ZNF248: variants seen among roughly 807,000 people sequenced by gnomAD.
ZNF248 encodes the protein KRAB protein domain.
Under a neutral mutation model 44.3 loss-of-function variants are expected in ZNF248, and 20 were observed. The ratio of observed to expected loss-of-function variants is 0.45; its 90% CI spans 0.32 to 0.66. The LOEUF (loss-of-function observed/expected upper bound fraction) is 0.66, where lower values mean the gene tolerates loss of function less well. ZNF248 is among the 30% of genes least tolerant of loss of function. The pLI, the probability that ZNF248 is intolerant of heterozygous loss-of-function variation, is 0.04. For synonymous variants in ZNF248, 224 were observed against 229.0 expected, an observed-to-expected ratio of 0.98 and a Z score of 0.20; for missense variants, 654 against 677.0, an observed-to-expected ratio of 0.97 and a Z score of 0.38.
chr10:37,762,019 T>C, the ZNF248 span, among the ~76,000 whole-genome samples: 1 of 152,244 alleles, frequency 6.6e-6, no homozygotes, highest in Non-Finnish European at 1.5e-5. Flanking sequence ...GGCTGTCTTA[T>C]GAAATCTGTT....
At chr10:37,765,728 T>C in the ZNF248 span, among the ~76,000 whole-genome samples, 1 of 152,206 alleles carries the variant, frequency 6.6e-6, no homozygotes, top group African/African-American at 2.4e-5. Context: ...AGGTACTGGG[T>C]TCATCTCACT....
At chr10:37,814,122 A>G (rs894534200) in intron 6 of ZNF248, among the ~76,000 whole-genome samples, 1 of 152,034 alleles carries the variant, frequency 6.6e-6, no homozygotes, top group African/African-American at 2.4e-5. Flanking sequence ...TTTTCTTTTT[A>G]GTAGATTTTT....
downstream of ZNF248, among the ~76,000 whole-genome samples, chr10:37,826,142 A>AC (rs2054355228): frequency 6.6e-6 from 1 of 152,176 alleles, no homozygotes. Context: ...GCGTATTGTA[A>AC]ATGAGTTCAC....
intron 6 of ZNF248, among the ~76,000 whole-genome samples, chr10:37,799,002 C>T (rs1246987426): frequency 6.6e-6 from 1 of 152,026 alleles, no homozygotes; most frequent in Non-Finnish European, 1.5e-5. Context: ...CTTCTCCTTG[C>T]AGAGTATTTA....
At chr10:37,792,145 G>C (rs1333522880) in intron 6 of ZNF248, among the ~76,000 whole-genome samples, 10 of 152,140 alleles carry the variant, frequency 6.6e-5, no homozygotes, top group Admixed American at 6.6e-4. Context: ...GGAGGTGAAT[G>C]AGATGTAATT....
the ZNF248 span, among the ~76,000 whole-genome samples, chr10:37,768,412 A>G: frequency 2.8e-5 from 4 of 145,414 alleles, no homozygotes; most frequent in African/African-American, 1.0e-4. Flanking sequence ...AGCAATTATA[A>G]CAAACTGTCT....
In ZNF248 at chr10:37,831,772, G is replaced by C. The variant is rs1326436042; in HGVS notation, c.1583C>G (p.Thr528Ser). 3.1e-6 allele frequency: 5 copies of C among 1,613,102 alleles called. No individual in the cohort carries two copies. The Admixed American group carries it at 8.3e-5, about 27-fold the overall frequency. Residue 528 changes from threonine (T) to serine (S), a missense_variant, in exon 6 of 6, where the codon ACC becomes AGC. Physicochemically the swap from Thr to Ser is moderately conservative, Grantham distance 58 (BLOSUM62 1). Coordinates refer to ENST00000395867, the MANE Select transcript of ZNF248 (RefSeq NM_021045.3). ...KPYKCNECGK[T>S]FCEKSALTKH... ...AGTGAGAGCTGATTTTTCACAGAAG[G>C]TTTTCCCACATTCATTACACTTATA...
chr10:37,828,756 C>T, downstream of ZNF248: 2 of 985,296 alleles, frequency 2.0e-6, no homozygotes, highest in Non-Finnish European at 2.4e-6. Context: ...GTGAATTAAT[C>T]AAACAGTGCA....
intron 6 of ZNF248, among the ~76,000 whole-genome samples, chr10:37,787,085 C>T (rs1484347442): frequency 1.3e-5 from 2 of 152,064 alleles, no homozygotes; most frequent in Non-Finnish European, 2.9e-5. Flanking sequence ...CCAGACCTTC[C>T]TGACTAACAT....
chr10:37,836,201 G>A (rs1009079146), intron 5 of ZNF248, among the ~76,000 whole-genome samples: 13 of 151,996 alleles, frequency 8.6e-5, no homozygotes, highest in African/African-American at 2.9e-4. Context: ...TCTCTCCTCT[G>A]AAGCACATAA....
At chr10:37,787,507 GTTTA>G (rs66872559) in intron 6 of ZNF248, among the ~76,000 whole-genome samples, 71,783 of 150,286 alleles carry the variant, frequency 0.48, 17,415 homozygotes, top group East Asian at 0.55. Flanking sequence ...TCGGTTTTTG[GTTTA>G]TTTATTTATT....
intron 6 of ZNF248, among the ~76,000 whole-genome samples, chr10:37,814,978 C>G (rs2052191441): frequency 6.6e-6 from 1 of 152,182 alleles, no homozygotes. Context: ...CAAATTATCT[C>G]TATGCTTTCT....
At chr10:37,811,409 A>T (rs950382981) in intron 6 of ZNF248, among the ~76,000 whole-genome samples, 2 of 152,216 alleles carry the variant, frequency 1.3e-5, no homozygotes, top group African/African-American at 4.8e-5. Flanking sequence ...TAGTGAAGTT[A>T]TATGACAACT....
chr10:37,836,771 TAC>T (rs72082671), intron 5 of ZNF248, among the ~76,000 whole-genome samples: 57,531 of 148,228 alleles, frequency 0.39, 11,509 homozygotes, highest in South Asian at 0.51. Context: ...CACAGACATG[TAC>T]ACACACACAC....
the ZNF248 span, among the ~76,000 whole-genome samples, chr10:37,766,137 AG>A: frequency 2.0e-5 from 3 of 152,240 alleles, no homozygotes; most frequent in African/African-American, 7.2e-5. Flanking sequence ...AGCCCACCAC[AG>A]CTCAAGGAGG....
chr10:37,793,148 A>G (rs1364144319), intron 6 of ZNF248, among the ~76,000 whole-genome samples: 3 of 152,072 alleles, frequency 2.0e-5, no homozygotes, highest in Non-Finnish European at 4.4e-5. Context: ...TTTGGCCAAC[A>G]TGGTGAAACC....
intron 3 of ZNF248, among the ~76,000 whole-genome samples, chr10:37,840,916 G>C (rs1405327864): frequency 1.3e-5 from 2 of 152,154 alleles, no homozygotes; most frequent in African/African-American, 4.8e-5. Flanking sequence ...AAACACAATA[G>C]TGGGCTATGT....
At chr10:37,791,135 G>A (rs1003003637) in intron 6 of ZNF248, among the ~76,000 whole-genome samples, 41 of 126,290 alleles carry the variant, frequency 3.2e-4, no homozygotes, top group Middle Eastern at 4.8e-3. Context: ...CCTGCTTCCC[G>A]GGTTCACGCC....
the ZNF248 span, among the ~76,000 whole-genome samples, chr10:37,763,119 T>C: frequency 6.6e-6 from 1 of 151,966 alleles, no homozygotes; most frequent in South Asian, 2.1e-4. Context: ...AATGCAGGAA[T>C]AAAAGACAAG....
Sources: allele counts gnomAD v4.1 joint callset (sites outside exome capture counted in the v4.1 genomes callset), GRCh38; gene constraint gnomAD v4.1.1; transcripts MANE v1.5; gene names NCBI Gene and HGNC (gene_info 2026-07-23, HGNC 2026-07-21).